ST18: variants seen among roughly 807,000 people sequenced by gnomAD.
ST18 encodes suppression of tumorigenicity 18 protein.
Under a neutral mutation model 110.0 loss-of-function variants are expected in ST18, and 50 were observed. The observed-to-expected ratio is 0.45, with a 90% confidence interval of 0.36 to 0.58. ST18 has a LOEUF of 0.58. ST18 is among the 20% of genes least tolerant of loss of function. The pLI, the probability that ST18 is intolerant of heterozygous loss-of-function variation, is 0.00. For synonymous variants in ST18, 461 were observed against 452.4 expected (o/e 1.02, Z -0.24); for missense variants, 1,306 against 1,280.1 (o/e 1.02, Z -0.31).
At chr8:52,223,944 T>G (rs552613308) in intron 3 of ST18, among the ~76,000 whole-genome samples, 2 of 152,078 alleles carry the variant, frequency 1.3e-5, no homozygotes, top group Non-Finnish European at 2.9e-5. Context: ...GAGATTTGCT[T>G]TTTTTAATAA....
chr8:52,326,581 G>A (rs1806523752), intron 2 of ST18, among the ~76,000 whole-genome samples: 1 of 152,162 alleles, frequency 6.6e-6, no homozygotes, highest in Admixed American at 6.5e-5. Context: ...AGAAGGCAAA[G>A]TCAATGGTGC....
intron 22 of ST18, 26 bp downstream of exon 22, chr8:52,131,932 A>T (rs1441259705): frequency 6.2e-7 from 1 of 1,611,522 alleles, no homozygotes; most frequent in Admixed American, 1.7e-5. Context: ...CAACACTACA[A>T]CAAAAAGACA....
chr8:52,293,437 G>A (rs528915829), intron 2 of ST18, among the ~76,000 whole-genome samples: 6 of 152,282 alleles, frequency 3.9e-5, no homozygotes, highest in Non-Finnish European at 5.9e-5. Flanking sequence ...TGGTAAGTGC[G>A]TTTTTTCCTA....
At chr8:52,389,549 T>A (rs1838500442) in intron 2 of ST18, among the ~76,000 whole-genome samples, 2 of 152,176 alleles carry the variant, frequency 1.3e-5, no homozygotes, top group Non-Finnish European at 2.9e-5. Flanking sequence ...GTACACCGAC[T>A]CCTTCCACCC....
rs1046679873 is a variant in ST18, at chr8:52,118,186, C to T, written c.2859+152G>A. Reference sequence around the variant, plus strand: ...GGTAACCTGGGATGATCCACCTATTCAGAATTTTACAATAATTATGGAATC... The same window carrying T: ...GGTAACCTGGGATGATCCACCTATTTAGAATTTTACAATAATTATGGAATC... On this transcript the variant is annotated intron_variant, in intron 24 of 25. Transcript: ENST00000689386. The T allele has an allele frequency of 8.9e-6, 5 of 560,188 alleles. No individual in the cohort carries two copies. In the Admixed American group the frequency reaches 1.1e-4, roughly 12 times the overall value. The allele number at this position is 560,188 out of a possible 1,614,324, so 34.7% of individuals were successfully genotyped here.
At chr8:52,114,684 C>T (rs928931259) in intron 25 of ST18, among the ~76,000 whole-genome samples, 1 of 152,090 alleles carries the variant, frequency 6.6e-6, no homozygotes, top group Non-Finnish European at 1.5e-5. Context: ...GGATGGGAAC[C>T]CAGGTAGCAC....
chr8:52,402,550 G>A (rs1843110856), intron 2 of ST18, among the ~76,000 whole-genome samples: 1 of 152,158 alleles, frequency 6.6e-6, no homozygotes, highest in Non-Finnish European at 1.5e-5. Flanking sequence ...TCCCCAGAGA[G>A]CAGGCGACAG....
chr8:52,176,552 A>G (rs915233708), intron 9 of ST18, among the ~76,000 whole-genome samples: 14 of 152,158 alleles, frequency 9.2e-5, no homozygotes, highest in Non-Finnish European at 1.8e-4. Flanking sequence ...TCCGGAGCAC[A>G]TTCACAGTGT....
chr8:52,141,557 G>A (rs1451015974), intron 17 of ST18, among the ~76,000 whole-genome samples: 1 of 152,194 alleles, frequency 6.6e-6, no homozygotes, highest in Non-Finnish European at 1.5e-5. Context: ...AATAGAGAGT[G>A]GAGGGAAGTG....
chr8:52,209,407 T>A (rs2081299600), intron 8 of ST18, among the ~76,000 whole-genome samples: 1 of 152,164 alleles, frequency 6.6e-6, no homozygotes, highest in African/African-American at 2.4e-5. Flanking sequence ...AATAAGGCTA[T>A]CGGGAGGATT....
chr8:52,201,622 CAA>C (rs1382632564), intron 8 of ST18, among the ~76,000 whole-genome samples: 1 of 151,000 alleles, frequency 6.6e-6, no homozygotes, highest in African/African-American at 2.5e-5. Context: ...AACAAAAAAA[CAA>C]AAAAACTGCT....
chr8:52,387,337 TG>T (rs1261945768), intron 2 of ST18, among the ~76,000 whole-genome samples: 1 of 152,236 alleles, frequency 6.6e-6, no homozygotes, highest in Non-Finnish European at 1.5e-5. Flanking sequence ...ATGGAATCTT[TG>T]TTTTGGCAAA....
At chr8:52,408,801 A>G (rs1288048137) in intron 2 of ST18, among the ~76,000 whole-genome samples, 1 of 152,226 alleles carries the variant, frequency 6.6e-6, no homozygotes, top group Non-Finnish European at 1.5e-5. Context: ...TCCAGTAAAC[A>G]GACATATAGC....
chr8:52,289,372 A>G (rs2139311041), intron 2 of ST18, among the ~76,000 whole-genome samples: 1 of 152,244 alleles, frequency 6.6e-6, no homozygotes, highest in South Asian at 2.1e-4. Context: ...AGGCAGGAGA[A>G]TCACCTGAGC....
chr8:52,284,092 T>C (rs2095430353), intron 2 of ST18, among the ~76,000 whole-genome samples: 1 of 152,164 alleles, frequency 6.6e-6, no homozygotes, highest in African/African-American at 2.4e-5. Context: ...AAGACTGGAA[T>C]TTTGTCAAGA....
At chr8:52,214,339 G>C in intron 6 of ST18, 82 bp from the exon 7 acceptor site, 12 of 1,475,848 alleles carry the variant, frequency 8.1e-6, no homozygotes, top group Non-Finnish European at 1.1e-5. Flanking sequence ...AGTTCTGAAG[G>C]TCATTATGAA....
At chr8:52,186,135 G>T (rs781481263) in intron 8 of ST18, among the ~76,000 whole-genome samples, 1 of 152,152 alleles carries the variant, frequency 6.6e-6, no homozygotes, top group Non-Finnish European at 1.5e-5. Context: ...TAAGAGAGAA[G>T]AAGCAAGCCA....
intron 2 of ST18, among the ~76,000 whole-genome samples, chr8:52,402,743 T>C (rs1478991465): frequency 1.3e-5 from 2 of 152,108 alleles, no homozygotes; most frequent in African/African-American, 2.4e-5. Flanking sequence ...CTGCTTGGGC[T>C]CTGGGAAGCA....
At chr8:52,161,633 C>A in intron 13 of ST18, 65 bp from the exon 14 acceptor site, 1 of 1,540,152 alleles carries the variant, frequency 6.5e-7, no homozygotes, top group South Asian at 1.2e-5. Flanking sequence ...ACATTAGTGT[C>A]AGAATTTACA....
Sources: allele counts gnomAD v4.1 joint callset (sites outside exome capture counted in the v4.1 genomes callset), GRCh38; gene constraint gnomAD v4.1.1; transcripts MANE v1.5; gene names NCBI Gene and HGNC (gene_info 2026-07-23, HGNC 2026-07-21).